Variants in TBXT observed in about 807,000 individuals in gnomAD.
TBXT encodes T-box transcription factor T.
TBXT carries 19 observed loss-of-function variants against 41.1 expected under a neutral mutation model. The ratio of observed to expected loss-of-function variants is 0.46; its 90% CI spans 0.32 to 0.68. The LOEUF (loss-of-function observed/expected upper bound fraction) is 0.68, where lower values mean the gene tolerates loss of function less well. Ranked by LOEUF, TBXT falls within the 30% of genes least tolerant of loss-of-function variation. The pLI is 0.03. For synonymous variants in TBXT, 213 were observed against 238.9 expected, an observed-to-expected ratio of 0.89 and a Z score of 1.00; for missense variants, 536 against 582.0, an observed-to-expected ratio of 0.92 and a Z score of 0.81.
At chr6:166,161,440 C>A (rs570767187) in intron 6 of TBXT, among the ~76,000 whole-genome samples, 214 of 152,336 alleles carry the variant, frequency 1.4e-3, no homozygotes, top group African/African-American at 4.9e-3. Context: ...AAGGTCCTTT[C>A]ATTTCAAATC....
chr6:166,158,964 G>A (rs548912507), intron 7 of TBXT, among the ~76,000 whole-genome samples: 1 of 152,340 alleles, frequency 6.6e-6, no homozygotes, highest in East Asian at 1.9e-4. Flanking sequence ...GCTGATGTCA[G>A]GAGTTCAAGG....
chr6:166,165,648 G>A (rs1779085598), intron 3 of TBXT, 58 bp downstream of exon 3: 14 of 1,612,094 alleles, frequency 8.7e-6, no homozygotes, highest in South Asian at 1.1e-5. Context: ...GAATCTCCAC[G>A]GAGCAGCACA....
chr6:166,166,563 C>T (rs745317992), intron 2 of TBXT, 29 bp downstream of exon 2: 11 of 1,613,174 alleles, frequency 6.8e-6, no homozygotes, highest in South Asian at 3.3e-5. Flanking sequence ...CCTCGCTGGT[C>T]CCAGACCTGG....
chr6:166,161,704 C>T (rs573483238), intron 6 of TBXT, among the ~76,000 whole-genome samples: 6 of 151,992 alleles, frequency 3.9e-5, no homozygotes, highest in Admixed American at 2.0e-4. Context: ...GGGTGGATCA[C>T]GAGGTCAGAA....
Position 166,167,665 on chromosome 6 carries a change from T to C in TBXT, c.-74A>G, listed in dbSNP as rs1779170429. 6 of 1,527,430 alleles carry C rather than the reference T, an allele frequency of 3.9e-6. No homozygotes were observed. The South Asian group carries it at 6.0e-5, about 15-fold the overall frequency. The allele number at this position is 1,527,430 out of a possible 1,614,324, so 94.6% of individuals were successfully genotyped here. ...ACCTGAGATCCACCTTCCCTGCTCT[T>C]GGCCGCCGCCCTTCCGAGAAAAGGG... On this transcript the variant is annotated 5_prime_UTR_variant, in exon 1 of 8. Transcript: ENST00000366876.
rs1383182239 is a variant in TBXT, at chr6:166,158,198, G to A, written c.*117C>T. ...ACTGCTTTGAAAAGGAAGTTACTGA[G>A]GCTGCATTTCCTTCTTAACCTGAGA... On this transcript the variant is annotated 3_prime_UTR_variant, in exon 8 of 8. Coordinates refer to ENST00000366876, the MANE Select transcript of TBXT (RefSeq NM_001366285.2). 2 of 1,509,380 alleles carry A rather than the reference G, an allele frequency of 1.3e-6. No homozygotes were observed. The highest frequency in any genetic ancestry group is 1.8e-6 in the Non-Finnish European group (2 of 1,089,834). 93.5% of individuals were successfully genotyped at this position (1,509,380 alleles called of 1,614,324 possible).
chr6:166,166,860 G>A lies in TBXT; in HGVS notation c.207-4C>T, dbSNP rs752449331. The A allele has an allele frequency of 2.5e-6, 4 of 1,613,604 alleles. No homozygotes were observed. The highest frequency in any genetic ancestry group is 2.5e-6 in the Non-Finnish European group (3 of 1,180,042). On this transcript the variant is annotated splice_region_variant and splice_polypyrimidine_tract_variant and intron_variant, in intron 1 of 7. Coordinates refer to ENST00000366876, the MANE Select transcript of TBXT (RefSeq NM_001366285.2). ...CTTCAGCACCGGAAACATCCTCCTG[G>A]AAAACACGGGGCGGGCGCAGGAGGA...
chr6:166,166,754 C>T lies in TBXT; in HGVS notation c.309G>A (p.Lys103=). 2 of 1,613,810 alleles carry T rather than the reference C, an allele frequency of 1.2e-6. No individual in the cohort carries two copies. The highest frequency in any genetic ancestry group is 1.7e-6 in the Non-Finnish European group (2 of 1,180,050). Residue 103 remains lysine, a synonymous_variant, in exon 2 of 8, where the codon AAG becomes AAA. Coordinates refer to ENST00000366876, the MANE Select transcript of TBXT (RefSeq NM_001366285.2). ...CCGGCACCCATTCCCCGTTCACGTA[C>T]TTCCAGCGGTGGTTGTCCGCCGCCA... ...DFVAADNHRW[K]YVNGEWVPGG...
intron 3 of TBXT, 81 bp downstream of exon 3, chr6:166,165,625 C>T (rs778935187): frequency 6.2e-7 from 1 of 1,608,786 alleles, no homozygotes; most frequent in Non-Finnish European, 8.5e-7. Context: ...TAGCGCGTCT[C>T]CCCGCTCCTC....
In TBXT at chr6:166,165,004, T is replaced by C; in HGVS notation, c.607-143A>G. ...TTCTTTCCACATACAGTTTTCTATT[T>C]GGAACTGAAAATAGCTGAGTAATTG... On this transcript the variant is annotated intron_variant, in intron 3 of 7. Transcript: ENST00000366876. 3 of 743,418 alleles carry C rather than the reference T, an allele frequency of 4.0e-6. No homozygotes were observed. In the South Asian group the frequency reaches 5.3e-5, roughly 13 times the overall value. The allele number at this position is 743,418 out of a possible 1,614,324, so 46.1% of individuals were successfully genotyped here.
At chr6:166,165,370 G>A (rs1000592440) in intron 3 of TBXT, among the ~76,000 whole-genome samples, 48 of 152,124 alleles carry the variant, frequency 3.2e-4, no homozygotes, top group African/African-American at 8.9e-4. Context: ...TTCCAAGGAA[G>A]GACATGCCCC....
chr6:166,162,079 C>G (rs1257958320), intron 6 of TBXT, among the ~76,000 whole-genome samples: 1 of 152,222 alleles, frequency 6.6e-6, no homozygotes, highest in Non-Finnish European at 1.5e-5. Flanking sequence ...TTGAGCCTGG[C>G]TGCCCATCAT....
rs9459594 is a variant in TBXT, at chr6:166,160,778, C to G, written c.1037+59G>C. 3.8e-3 allele frequency: 6,125 copies of G among 1,609,060 alleles called. 199 individuals carry two copies. The African/African-American group carries it at 0.07, about 18-fold the overall frequency. ...TAAGGGCCTATGGGAATGGAAACAG[C>G]GTGAAGTCACAGGCAGAGCTCCCAG... On this transcript the variant is annotated intron_variant, in intron 7 of 7. Coordinates refer to ENST00000366876, the MANE Select transcript of TBXT (RefSeq NM_001366285.2).
At chr6:166,165,985 G>A in intron 2 of TBXT, 145 bp from the exon 3 acceptor site, 1 of 1,234,614 alleles carries the variant, frequency 8.1e-7, no homozygotes, top group Non-Finnish European at 1.2e-6. Context: ...ACCAGGGGAG[G>A]CTTCTCCGCG....
chr6:166,164,204 G>GT (rs1779041908), intron 5 of TBXT, among the ~76,000 whole-genome samples: 1 of 152,164 alleles, frequency 6.6e-6, no homozygotes, highest in Non-Finnish European at 1.5e-5. Flanking sequence ...AAGGGCTAAG[G>GT]AAAAATTTGG....
chr6:166,164,580 C>A, intron 5 of TBXT, 25 bp downstream of exon 5: 1 of 1,613,900 alleles, frequency 6.2e-7, no homozygotes, highest in Middle Eastern at 1.6e-4. Context: ...CGCAGAATGA[C>A]ATGACAGAGT....
intron 2 of TBXT, among the ~76,000 whole-genome samples, chr6:166,166,076 C>T (rs763816120): frequency 3.3e-5 from 5 of 152,144 alleles, no homozygotes; most frequent in Non-Finnish European, 7.4e-5. Flanking sequence ...GAATGCTCAT[C>T]ACAAAATCCT....
At chr6:166,168,160 ACGCCCCGGCCTGCCCCAGCC>A (rs1779198362), upstream of TBXT, among the ~76,000 whole-genome samples, 2 of 149,396 alleles carry the variant, frequency 1.3e-5, no homozygotes, top group South Asian at 4.2e-4. Flanking sequence ...GGTAAGCTGG[ACGCCCCGGCCTGCCCCAGCC>A]CGCCCCAGCC....
rs868302744 is a variant in TBXT at position 166,165,918 on chromosome 6, C to A, written c.472-78G>T. ...GCAAAACATCCATTTCTCCAGGATG[C>A]AGAAAGTCCTCTGGATCCCAAGAAA... On this transcript the variant is annotated intron_variant, in intron 2 of 7. Coordinates refer to ENST00000366876, the MANE Select transcript of TBXT (RefSeq NM_001366285.2). 3.7e-6 allele frequency: 6 copies of A among 1,600,060 alleles called. No homozygotes were observed. In the Middle Eastern group the frequency reaches 8.3e-4, roughly 221 times the overall value.
Sources: gnomAD v4.1 joint callset for allele counts (sites outside exome capture counted in the v4.1 genomes callset) on GRCh38, gnomAD v4.1.1 for gene constraint, MANE v1.5 for transcripts, NCBI Gene and HGNC (gene_info 2026-07-23, HGNC 2026-07-21) for gene names.